KDM2B: variants seen among roughly 807,000 people sequenced by gnomAD.
KDM2B encodes lysine demethylase 2B.
Under a neutral mutation model 150.0 loss-of-function variants are expected in KDM2B, and 26 were observed. The ratio of observed to expected loss-of-function variants is 0.17; its 90% CI spans 0.13 to 0.24. The LOEUF is 0.24. Among genes scored for constraint, KDM2B ranks in the 10% least tolerant of loss-of-function variants. KDM2B has a pLI of 1.00. For missense variants in KDM2B, 1,265 were observed against 1,816.9 expected, an observed-to-expected ratio of 0.70 and a Z score of 5.52; for synonymous variants, 734 against 729.5, an observed-to-expected ratio of 1.01 and a Z score of -0.10.
At chr12:121,536,110 C>T (rs1454482367) in intron 6 of KDM2B, 4 of 985,546 alleles carry the variant, frequency 4.1e-6, no homozygotes, top group East Asian at 1.1e-4. Flanking sequence ...AGCAGCGCGC[C>T]GGCACGAGTG....
At chr12:121,535,423 G>C (rs1171583290) in intron 6 of KDM2B, among the ~76,000 whole-genome samples, 1 of 152,106 alleles carries the variant, frequency 6.6e-6, no homozygotes, top group Non-Finnish European at 1.5e-5. Flanking sequence ...CAGGACAATG[G>C]GGAATGACTG....
intron 4 of KDM2B, among the ~76,000 whole-genome samples, chr12:121,554,237 CAA>C (rs1236575350): frequency 5.4e-5 from 7 of 130,472 alleles, no homozygotes; most frequent in Non-Finnish European, 9.9e-5. Context: ...GATCCTGTCT[CAA>C]AAAAAAAAAA....
chr12:121,574,396 G>A, intron 4 of KDM2B, 151 bp downstream of exon 4: 1 of 662,486 alleles, frequency 1.5e-6, no homozygotes, highest in Non-Finnish European at 2.6e-6. Flanking sequence ...TCTCCAGAAT[G>A]AAACGGTTGC....
At chr12:121,494,480 G>A in intron 12 of KDM2B, 99 bp downstream of exon 12, 1 of 763,658 alleles carries the variant, frequency 1.3e-6, no homozygotes, top group Non-Finnish European at 2.2e-6. Flanking sequence ...TTCATCTCAG[G>A]AGGCCCCATA....
intron 17 of KDM2B, 61 bp from the exon 18 acceptor site, chr12:121,443,091 C>A (rs1875455028): frequency 3.3e-6 from 5 of 1,506,168 alleles, no homozygotes; most frequent in African/African-American, 1.4e-5. Flanking sequence ...TTGGTCTCCT[C>A]GACACCCCAC....
intron 6 of KDM2B, among the ~76,000 whole-genome samples, chr12:121,547,579 G>A (rs371489674): frequency 7.3e-5 from 11 of 151,674 alleles, no homozygotes; most frequent in Admixed American, 3.3e-4. Context: ...GGCCGCCAGC[G>A]CCAACTCTTC....
rs1555295378 is a variant in KDM2B, at chr12:121,468,855, G to A, written c.1735-15511C>T. ...CACACCCACTATAGAAAAAATCCCAGTCGACTTGCTCTTTGCCGAAACGTA... is the reference window on the plus strand; with the variant it reads ...CACACCCACTATAGAAAAAATCCCAATCGACTTGCTCTTTGCCGAAACGTA... On this transcript the variant is annotated intron_variant, in intron 12 of 22. Coordinates refer to ENST00000377071, the MANE Select transcript of KDM2B (RefSeq NM_032590.5). The surrounding 1 kb of genome is among the most constrained non-coding windows in gnomAD (Gnocchi z 4.0). The A allele has an allele frequency of 6.6e-6, 1 of 152,194 alleles. No homozygotes were observed. 9.4% of individuals were successfully genotyped at this position (152,194 alleles called of 1,614,324 possible). A position where few individuals can be genotyped will look rare whatever the true frequency, so the allele number is the denominator to read the frequency against.
chr12:121,443,076 G>A, intron 17 of KDM2B, 46 bp from the exon 18 acceptor site: 1 of 1,576,016 alleles, frequency 6.3e-7, no homozygotes, highest in Non-Finnish European at 8.6e-7. Flanking sequence ...CCGGGCTCGT[G>A]GGATTTGGTC....
Position 121,581,004 on chromosome 12 carries a change from A to G in KDM2B, c.-93T>C. ...ACTTTTAAACTCCCGGCACTCAAAGATGTGGACACACACACGTACAGGAAA... is the reference window on the plus strand; with the variant it reads ...ACTTTTAAACTCCCGGCACTCAAAGGTGTGGACACACACACGTACAGGAAA... On this transcript the variant is annotated 5_prime_UTR_variant, in exon 1 of 23. Coordinates refer to ENST00000377071, the MANE Select transcript of KDM2B (RefSeq NM_032590.5). 1 of 1,506,844 alleles carries G rather than the reference A, an allele frequency of 6.6e-7. No individual in the cohort carries two copies. Among genetic ancestry groups the G allele is most frequent in the South Asian group, 1.3e-5 (1 of 77,204 alleles). 93.3% of individuals were successfully genotyped at this position (1,506,844 alleles called of 1,614,324 possible).
Position 121,443,777 on chromosome 12 carries a change from G to A in KDM2B, c.2468C>T (p.Thr823Met), listed in dbSNP as rs782020493. The change falls in exon 17 of 23, where the codon ACG (threonine) becomes ATG (methionine). Residue 823 changes from threonine (T) to methionine (M), a missense_variant. This residue lies in a region of KDM2B where 418 missense variants were observed against 402.4 expected (regional missense o/e 1.04). Transcript: ENST00000377071. ...SGRKRASSLQ[T>M]SPGSSSHLSP... Reference sequence around the variant, plus strand: ...GAGGTGAGAGGAGGAACCGGGGGACGTTTGAAGCGATGAGGCCTAAAGGGG... The same window carrying A: ...GAGGTGAGAGGAGGAACCGGGGGACATTTGAAGCGATGAGGCCTAAAGGGG... 26 of 1,602,996 alleles carry A rather than the reference G, an allele frequency of 1.6e-5. No individual in the cohort carries two copies. In the South Asian group the frequency reaches 2.7e-4, roughly 16 times the overall value.
At position 121,509,847 on chromosome 12, in the gene KDM2B, G is replaced by A. The variant is rs1555303620; in HGVS notation, c.1367C>T (p.Ala456Val). Residue 456 changes from alanine to valine, a missense_variant, in exon 11 of 23, where the codon GCC becomes GTC. Around this residue, in one of 11 missense-constraint regions of KDM2B, gnomAD observed 154 missense variants for 162.5 expected, o/e 0.95. Transcript: ENST00000377071. ...AGGTGCTTTGGGCTTCTTCCCGAGG[G>A]CCTCCTGGTCCTCAGAGGGCGTGCT... ...PTSTPSEDQE[A>V]LGKKPKAPAL... The A allele has an allele frequency of 6.2e-7, 1 of 1,613,918 alleles. No individual in the cohort carries two copies. The highest frequency in any genetic ancestry group is 1.1e-5 in the South Asian group (1 of 91,060).
In KDM2B at chr12:121,509,713, C is replaced by G. The variant is rs570611982; in HGVS notation, c.1501G>C (p.Glu501Gln). The G allele has an allele frequency of 8.4e-5, 136 of 1,614,144 alleles. No individual in the cohort carries two copies. The South Asian group carries it at 1.4e-3, about 17-fold the overall frequency. The change falls in exon 11 of 23, where the codon GAG (glutamate) becomes CAG (glutamine). Residue 501 changes from glutamate to glutamine, a missense_variant. Glu to Gln is a conservative substitution (Grantham distance 29). Transcript: ENST00000377071. ...PKTPTGSPAT[E>Q]VSAKWTHLTE... ...AGATGGGTCCATTTGGCAGAGACCT[C>G]CGTGGCGGGAGAGCCGGTGGGGGTC...
rs73407679 is a variant in KDM2B at position 121,580,925 on chromosome 12, T to G, written c.-14A>C. ...CGGACCCGCCATGTGGAGGAGGCAT[T>G]TGGGGGGCTCAGAAGGAAATTAGCT... is the stretch of plus-strand genomic sequence containing the variant. On this transcript the variant is annotated 5_prime_UTR_variant, in exon 1 of 23. Transcript: ENST00000377071. 1 of 1,612,618 alleles carries G rather than the reference T, an allele frequency of 6.2e-7. No homozygotes were observed. Among genetic ancestry groups the G allele is most frequent in the Admixed American group, 1.7e-5 (1 of 59,670 alleles).
chr12:121,483,362 A>G (rs1246949612), intron 12 of KDM2B, among the ~76,000 whole-genome samples: 3 of 151,556 alleles, frequency 2.0e-5, no homozygotes, highest in Admixed American at 2.0e-4. Context: ...GTCAACCAAA[A>G]TGCAGAGTAG....
chr12:121,479,540 G>A (rs1555297497), intron 12 of KDM2B, among the ~76,000 whole-genome samples: 1 of 151,802 alleles, frequency 6.6e-6, no homozygotes, highest in Non-Finnish European at 1.5e-5. Flanking sequence ...TACTTGGAAA[G>A]CTACTTGGGC....
chr12:121,442,963 G>A lies in KDM2B; in HGVS notation c.2604+29C>T. On this transcript the variant is annotated intron_variant, in intron 18 of 22. Transcript: ENST00000377071. This position sits in a 1 kb window ranked among gnomAD's most constrained non-coding sequence, Gnocchi z 7.7. ...GGTGCAGCTCTAACCGCTCAGGCCTGGGGCACAGGAGGGAGGGGAAGATGG... is the reference window on the plus strand; with the variant it reads ...GGTGCAGCTCTAACCGCTCAGGCCTAGGGCACAGGAGGGAGGGGAAGATGG... 6.2e-7 allele frequency: 1 copy of A among 1,612,240 alleles called. No individual in the cohort carries two copies. The highest frequency in any genetic ancestry group is 8.5e-7 in the Non-Finnish European group (1 of 1,179,038).
chr12:121,434,523 A>C (rs1430579718), intron 22 of KDM2B, among the ~76,000 whole-genome samples: 1 of 150,432 alleles, frequency 6.6e-6, no homozygotes, highest in Admixed American at 6.6e-5. Flanking sequence ...AAAAAAAAAG[A>C]ATCAGGAGCC....
intron 4 of KDM2B, among the ~76,000 whole-genome samples, chr12:121,559,326 G>A (rs2136214391): frequency 6.9e-6 from 1 of 144,724 alleles, no homozygotes; most frequent in Admixed American, 6.8e-5. Flanking sequence ...CTGGAAGCTG[G>A]ACTTCCAGGT....
chr12:121,577,590 A>G (rs1017682265), intron 2 of KDM2B, among the ~76,000 whole-genome samples: 1 of 152,136 alleles, frequency 6.6e-6, no homozygotes, highest in Admixed American at 6.6e-5. Context: ...CTCTTCTCAG[A>G]GCTAACCCCA....
Sources: allele counts gnomAD v4.1 joint callset (sites outside exome capture counted in the v4.1 genomes callset), GRCh38; gene constraint gnomAD v4.1.1; regional missense constraint gnomAD v4.1.1; non-coding constraint Gnocchi (gnomAD v3.1); transcripts MANE v1.5; gene names NCBI Gene and HGNC (gene_info 2026-07-23, HGNC 2026-07-21).